The following PSMA8 variants were observed in gnomAD, a reference collection of about 807,000 sequenced individuals.
The protein encoded by PSMA8 is proteasome 20S subunit alpha 8, also known as proteasome subunit alpha-type 8.
A neutral mutation model predicts 32.4 loss-of-function variants in PSMA8; 18 were observed. That is an observed-to-expected ratio of 0.56 (90% CI 0.38 to 0.82). The LOEUF is 0.82. Among genes scored for constraint, PSMA8 ranks in the 40% least tolerant of loss-of-function variants. The probability of loss-of-function intolerance (pLI) is 0.00; values close to 1 mark genes in which losing one functional copy is unlikely to be tolerated. For synonymous variants in PSMA8, 104 were observed against 98.1 expected (o/e 1.06, Z -0.36); for missense variants, 298 against 300.7 (o/e 0.99, Z 0.07).
intron 6 of PSMA8, among the ~76,000 whole-genome samples, chr18:26,181,959 G>A (rs1387272063): frequency 1.3e-5 from 2 of 151,670 alleles, no homozygotes; most frequent in African/African-American, 4.8e-5. Context: ...TTACTGATAT[G>A]GAGGTTTTAG....
At chr18:26,189,322 G>C (rs1156773585) in intron 6 of PSMA8, among the ~76,000 whole-genome samples, 1 of 152,124 alleles carries the variant, frequency 6.6e-6, no homozygotes, top group African/African-American at 2.4e-5. Context: ...GAGCCTAGGA[G>C]TTTCAGACCA....
chr18:26,142,550 A>G (rs1362947913), intron 1 of PSMA8, among the ~76,000 whole-genome samples: 1 of 152,170 alleles, frequency 6.6e-6, no homozygotes, highest in Non-Finnish European at 1.5e-5. Flanking sequence ...TAGGATAAGG[A>G]CATTTGGTCT....
At chr18:26,173,714 G>A (rs978329592) in intron 4 of PSMA8, among the ~76,000 whole-genome samples, 6 of 151,926 alleles carry the variant, frequency 3.9e-5, no homozygotes, top group African/African-American at 1.2e-4. Context: ...GTGCCACCAC[G>A]CCTGGCTAAT....
At chr18:26,145,664 T>C (rs142839649) in intron 2 of PSMA8, among the ~76,000 whole-genome samples, 8 of 152,346 alleles carry the variant, frequency 5.3e-5, no homozygotes, top group African/African-American at 1.9e-4. Context: ...CATAATTCCC[T>C]TGCAGTTCAT....
At chr18:26,178,057 T>A (rs2055277808) in intron 4 of PSMA8, among the ~76,000 whole-genome samples, 1 of 151,208 alleles carries the variant, frequency 6.6e-6, no homozygotes, top group Non-Finnish European at 1.5e-5. Context: ...CTAAAAAAAA[T>A]TCTTTTTTAA....
At chr18:26,144,782 T>C (rs2054989294) in intron 2 of PSMA8, 97 bp downstream of exon 2, 2 of 1,175,200 alleles carry the variant, frequency 1.7e-6, no homozygotes, top group East Asian at 4.8e-5. Flanking sequence ...TTATAAAACA[T>C]GTGGAGTTGT....
At chr18:26,164,791 A>G (rs757962478) in intron 4 of PSMA8, among the ~76,000 whole-genome samples, 3 of 152,030 alleles carry the variant, frequency 2.0e-5, no homozygotes, top group African/African-American at 7.3e-5. Context: ...TGTATATTAG[A>G]TAATGTTGTG....
At chr18:26,161,857 C>A (rs184174731) in intron 4 of PSMA8, among the ~76,000 whole-genome samples, 200 of 152,278 alleles carry the variant, frequency 1.3e-3, no homozygotes, top group South Asian at 4.4e-3. Context: ...CCATTGAGGG[C>A]AAGCTGCTGC....
At chr18:26,143,941 C>T (rs144394941) in intron 1 of PSMA8, among the ~76,000 whole-genome samples, 144 of 152,136 alleles carry the variant, frequency 9.5e-4, no homozygotes, top group African/African-American at 3.2e-3. Flanking sequence ...AGGCTGGTCT[C>T]GAACTCCAGA....
intron 2 of PSMA8, among the ~76,000 whole-genome samples, chr18:26,146,167 C>CT (rs202017816): frequency 0.085 from 11,481 of 134,524 alleles, 688 homozygotes; most frequent in East Asian, 0.15. Context: ...TGCCTCTTGT[C>CT]TTTTTTTTTT....
intron 2 of PSMA8, among the ~76,000 whole-genome samples, chr18:26,151,464 A>T (rs1289910767): frequency 6.6e-6 from 1 of 152,224 alleles, no homozygotes. Context: ...CTATTTTAGC[A>T]TTCTTCATTT....
intron 4 of PSMA8, among the ~76,000 whole-genome samples, chr18:26,172,693 A>G (rs1201357868): frequency 6.6e-6 from 1 of 152,186 alleles, no homozygotes; most frequent in African/African-American, 2.4e-5. Context: ...TCTTAAAAAA[A>G]AAAGAAAAGC....
intron 4 of PSMA8, among the ~76,000 whole-genome samples, chr18:26,176,040 G>GA (rs748990506): frequency 6.6e-6 from 1 of 150,848 alleles, no homozygotes; most frequent in Non-Finnish European, 1.5e-5. Context: ...CTTTGCTGCA[G>GA]AAAATCATCA....
chr18:26,158,290 T>G, intron 4 of PSMA8, 46 bp downstream of exon 4: 1 of 1,457,040 alleles, frequency 6.9e-7, no homozygotes, highest in Non-Finnish European at 9.4e-7. Flanking sequence ...TTAGTAAATA[T>G]TCAATGTAAA....
At chr18:26,154,570 A>G (rs960836437) in intron 3 of PSMA8, among the ~76,000 whole-genome samples, 3 of 151,914 alleles carry the variant, frequency 2.0e-5, no homozygotes, top group African/African-American at 2.4e-5. Flanking sequence ...GAAGATCGAT[A>G]TCTCATATGC....
intron 1 of PSMA8, among the ~76,000 whole-genome samples, chr18:26,140,482 G>A (rs990744678): frequency 4.6e-5 from 7 of 152,160 alleles, no homozygotes; most frequent in African/African-American, 1.4e-4. Flanking sequence ...GTGTCTTTTC[G>A]TATTTCTGTG....
intron 6 of PSMA8, 144 bp from the exon 7 acceptor site, chr18:26,192,175 A>T (rs534494168): frequency 1.4e-6 from 1 of 705,432 alleles, no homozygotes; most frequent in African/African-American, 1.9e-5. Context: ...ACCTCTTGAA[A>T]TGCTTCATTG....
At chr18:26,135,656 T>G (rs1057206981) in intron 1 of PSMA8, among the ~76,000 whole-genome samples, 6 of 152,122 alleles carry the variant, frequency 3.9e-5, no homozygotes, top group African/African-American at 1.2e-4. Flanking sequence ...TAGCATATGG[T>G]TAGAAACTAA....
At chr18:26,174,926 T>C (rs150450088) in intron 4 of PSMA8, among the ~76,000 whole-genome samples, 1 of 152,358 alleles carries the variant, frequency 6.6e-6, no homozygotes, top group East Asian at 1.9e-4. Flanking sequence ...CCTTTGATCA[T>C]AAATCCTTTC....
Sources: allele counts gnomAD v4.1 joint callset (sites outside exome capture counted in the v4.1 genomes callset), GRCh38; gene constraint gnomAD v4.1.1; transcripts MANE v1.5; gene names NCBI Gene and HGNC (gene_info 2026-07-23, HGNC 2026-07-21).